Variants in FLI1 observed in about 807,000 individuals in gnomAD.
The protein encoded by FLI1 is Fli-1 proto-oncogene, ETS transcription factor.
Under a neutral mutation model 53.1 loss-of-function variants are expected in FLI1, and 13 were observed. The observed-to-expected ratio is 0.24, with a 90% confidence interval of 0.16 to 0.39. FLI1 has a LOEUF of 0.39. Ranked by LOEUF, FLI1 falls within the 10% of genes least tolerant of loss-of-function variation. The pLI is 1.00. For missense variants in FLI1, 424 were observed against 600.5 expected (o/e 0.71, Z 3.07); for synonymous variants, 244 against 236.7 (o/e 1.03, Z -0.28).
upstream of FLI1, chr11:128,686,204 C>T: frequency 2.7e-6 from 1 of 377,130 alleles, no homozygotes; most frequent in South Asian, 1.9e-5. Context: ...TGCTCCTCAG[C>T]CTGCAAGAAA....
rs373195248 is a variant in FLI1 at position 128,794,195 on chromosome 11, G to C, written c.656-11171G>C. Among the ~76,000 whole-genome samples, 30 of 152,200 alleles carry C rather than the reference G, an allele frequency of 2.0e-4. 1 individual carries two copies. The East Asian group carries it at 2.9e-3, about 15-fold the overall frequency. Reference sequence around the variant, plus strand: ...TGATGCAGCTTCATTGCTATTGCTTGGTTCACAATAGAAGTTAAAAGTGAT... The same window carrying C: ...TGATGCAGCTTCATTGCTATTGCTTCGTTCACAATAGAAGTTAAAAGTGAT... On this transcript the variant is annotated intron_variant, in intron 5 of 8. Coordinates refer to ENST00000527786, the MANE Select transcript of FLI1 (RefSeq NM_002017.5).
chr11:128,752,965 G>A (rs1313831446), intron 1 of FLI1, among the ~76,000 whole-genome samples: 1 of 152,224 alleles, frequency 6.6e-6, no homozygotes, highest in Non-Finnish European at 1.5e-5. Context: ...TGGAAAGCAA[G>A]CATTTCTATC....
At chr11:128,780,910 C>T (rs933785270) in intron 4 of FLI1, among the ~76,000 whole-genome samples, 1 of 152,182 alleles carries the variant, frequency 6.6e-6, no homozygotes, top group Non-Finnish European at 1.5e-5. Context: ...TTCAAGGGCT[C>T]TTTAAGATTT....
At chr11:128,697,152 T>A (rs1938115664) in intron 1 of FLI1, among the ~76,000 whole-genome samples, 1 of 152,202 alleles carries the variant, frequency 6.6e-6, no homozygotes, top group Non-Finnish European at 1.5e-5. Flanking sequence ...TTATCAGTGT[T>A]AAAAAGCACA....
intron 1 of FLI1, among the ~76,000 whole-genome samples, chr11:128,711,157 G>T (rs914999863): frequency 2.0e-5 from 3 of 152,152 alleles, no homozygotes; most frequent in African/African-American, 7.2e-5. Flanking sequence ...TTTTCATTAA[G>T]TCAATTAAGT....
At chr11:128,796,228 T>C (rs1031985032) in intron 5 of FLI1, among the ~76,000 whole-genome samples, 1 of 152,214 alleles carries the variant, frequency 6.6e-6, no homozygotes, top group South Asian at 2.1e-4. Flanking sequence ...CTATGCTTGA[T>C]AAATTTTAGG....
At chr11:128,781,119 A>G (rs1941901743) in intron 4 of FLI1, among the ~76,000 whole-genome samples, 2 of 152,228 alleles carry the variant, frequency 1.3e-5, no homozygotes, top group South Asian at 4.1e-4. Flanking sequence ...AAGATTGGAT[A>G]TCAGCATTCT....
At chr11:128,690,337 G>A (rs1166088531), upstream of FLI1, among the ~76,000 whole-genome samples, 1 of 152,160 alleles carries the variant, frequency 6.6e-6, no homozygotes, top group Admixed American at 6.5e-5. Flanking sequence ...GGAGGGAGAG[G>A]AGCGGCCCGA....
Position 128,780,677 on chromosome 11 carries a change from C to T in FLI1, c.590-1281C>T, listed in dbSNP as rs550813960. Among the ~76,000 whole-genome samples, 136 of 152,354 alleles carry T rather than the reference C, an allele frequency of 8.9e-4. 2 individuals are homozygous for T. In the South Asian group the frequency reaches 0.025, roughly 28 times the overall value. On this transcript the variant is annotated intron_variant, in intron 4 of 8. Coordinates refer to ENST00000527786, the MANE Select transcript of FLI1 (RefSeq NM_002017.5). Reference sequence around the variant, plus strand: ...ATTTTCTCTGAGGCACACAACCAAACGCCCACAGCTGGGTGAGGCGGCAAC... The same window carrying T: ...ATTTTCTCTGAGGCACACAACCAAATGCCCACAGCTGGGTGAGGCGGCAAC...
chr11:128,801,169 G>T (rs1942625900), intron 5 of FLI1, among the ~76,000 whole-genome samples: 1 of 152,204 alleles, frequency 6.6e-6, no homozygotes, highest in Non-Finnish European at 1.5e-5. Context: ...GGGCCTCCAT[G>T]CACGCTCAGG....
intron 1 of FLI1, among the ~76,000 whole-genome samples, chr11:128,750,693 C>G (rs1940607107): frequency 6.6e-6 from 1 of 152,164 alleles, no homozygotes; most frequent in Admixed American, 6.5e-5. Flanking sequence ...CACTGTGCGG[C>G]CATGCTCTGA....
In FLI1 at chr11:128,772,643, G is replaced by C. The variant is rs2268594; in HGVS notation, c.386-139G>C. Reference sequence around the variant, plus strand: ...CATGGAGCCTGATGAGTGTTCTAGGGGAACCATGTGGAAGGGAGCTCTCCC... The same window carrying C: ...CATGGAGCCTGATGAGTGTTCTAGGCGAACCATGTGGAAGGGAGCTCTCCC... On this transcript the variant is annotated intron_variant, in intron 3 of 8. Transcript: ENST00000527786. 5,111 of 713,566 alleles carry C rather than the reference G, an allele frequency of 7.2e-3. 285 individuals are homozygous for C. In the East Asian group the frequency reaches 0.12, roughly 17 times the overall value. The allele number at this position is 713,566 out of a possible 1,614,324, so 44.2% of individuals were successfully genotyped here.
intron 5 of FLI1, among the ~76,000 whole-genome samples, chr11:128,793,215 G>C (rs79027872): frequency 0.011 from 1,616 of 151,896 alleles, 27 homozygotes; most frequent in African/African-American, 0.032. Flanking sequence ...ATAATTTCAT[G>C]GGTCTATCAG....
rs187808784 is a variant in FLI1, at chr11:128,771,163, G to T, written c.386-1619G>T. Among the ~76,000 whole-genome samples, 34 of 152,330 alleles carry T rather than the reference G, an allele frequency of 2.2e-4. No individual in the cohort carries two copies. In the East Asian group the frequency reaches 6.6e-3, roughly 29 times the overall value. Reference sequence around the variant, plus strand: ...GATTTCCTTGGTAAGTAAAAATAGGGCTCGCGGAGCAGGTGGCACATAGCA... The same window carrying T: ...GATTTCCTTGGTAAGTAAAAATAGGTCTCGCGGAGCAGGTGGCACATAGCA... On this transcript the variant is annotated intron_variant, in intron 3 of 8. Coordinates refer to ENST00000527786, the MANE Select transcript of FLI1 (RefSeq NM_002017.5).
At chr11:128,705,624 C>G (rs1164338978) in intron 1 of FLI1, among the ~76,000 whole-genome samples, 1 of 152,198 alleles carries the variant, frequency 6.6e-6, no homozygotes, top group Non-Finnish European at 1.5e-5. Flanking sequence ...GTAGGGCTGA[C>G]TTCAGGCTCC....
rs555600613 is a variant in FLI1, at chr11:128,811,983, T to C, written c.*995T>C. On this transcript the variant is annotated 3_prime_UTR_variant, in exon 9 of 9. Transcript: ENST00000527786. The stretch of plus-strand genomic sequence containing the variant: ...TATTTTTTTTAATGTAATTTGTACA[T>C]CTTTTTTCAATCTGTACATTTGGGC... The C allele has an allele frequency of 4.9e-6, 1 of 203,358 alleles. No homozygotes were observed. Among genetic ancestry groups the C allele is most frequent in the African/African-American group, 2.3e-5 (1 of 43,712 alleles). 12.6% of individuals were successfully genotyped at this position (203,358 alleles called of 1,614,324 possible).
chr11:128,799,052 A>ATTATTATTATTT (rs1555125698), intron 5 of FLI1, among the ~76,000 whole-genome samples: 1 of 140,442 alleles, frequency 7.1e-6, no homozygotes, highest in Admixed American at 7.2e-5. Context: ...TATTATTATT[A>ATTATTATTATTT]TTTTGCTTTG....
intron 1 of FLI1, among the ~76,000 whole-genome samples, chr11:128,732,633 A>C (rs1939746850): frequency 6.6e-6 from 1 of 152,242 alleles, no homozygotes; most frequent in Admixed American, 6.5e-5. Context: ...GATAGATACA[A>C]GCCTGGGATT....
At chr11:128,726,133 T>A (rs1591756909) in intron 1 of FLI1, among the ~76,000 whole-genome samples, 1 of 152,056 alleles carries the variant, frequency 6.6e-6, no homozygotes, top group Admixed American at 6.6e-5. Context: ...GTCTCCCCTC[T>A]CCATCCACTC....
Sources: allele counts gnomAD v4.1 joint callset (sites outside exome capture counted in the v4.1 genomes callset), GRCh38; gene constraint gnomAD v4.1.1; transcripts MANE v1.5; gene names NCBI Gene and HGNC (gene_info 2026-07-23, HGNC 2026-07-21).